MNAT1: variants seen among roughly 807,000 people sequenced by gnomAD.
MNAT1 encodes the protein MNAT1 component of CDK activating kinase.
Under a neutral mutation model 42.0 loss-of-function variants are expected in MNAT1, and 43 were observed. That is an observed-to-expected ratio of 1.02 (90% CI 0.80 to 1.32). The LOEUF is 1.32. MNAT1 is among the 40% of genes most tolerant of loss of function. MNAT1 has a pLI of 0.00. For synonymous variants in MNAT1, 118 were observed against 120.0 expected (o/e 0.98, Z 0.11); for missense variants, 306 against 350.4 (o/e 0.87, Z 1.01).
At chr14:60,875,918 GA>G (rs1156443398) in intron 6 of MNAT1, among the ~76,000 whole-genome samples, 1 of 152,022 alleles carries the variant, frequency 6.6e-6, no homozygotes, top group Non-Finnish European at 1.5e-5. Flanking sequence ...TCTAATTTCT[GA>G]AATGCACACG....
chr14:60,880,964 T>A (rs2034537375), intron 7 of MNAT1, among the ~76,000 whole-genome samples: 1 of 152,210 alleles, frequency 6.6e-6, no homozygotes, highest in Non-Finnish European at 1.5e-5. Flanking sequence ...TTATACATGA[T>A]GTAGACATTT....
At chr14:60,874,099 C>T (rs970708522) in intron 6 of MNAT1, among the ~76,000 whole-genome samples, 1 of 152,120 alleles carries the variant, frequency 6.6e-6, no homozygotes, top group African/African-American at 2.4e-5. Context: ...AAAGCAATTC[C>T]ATAATTTGCT....
chr14:60,885,860 C>A (rs1264045363), intron 7 of MNAT1, among the ~76,000 whole-genome samples: 1 of 151,922 alleles, frequency 6.6e-6, no homozygotes, highest in Non-Finnish European at 1.5e-5. Context: ...AAGGATCTTT[C>A]TCACTATGTT....
intron 1 of MNAT1, among the ~76,000 whole-genome samples, chr14:60,769,034 A>G (rs146326738): frequency 2.0e-5 from 3 of 152,180 alleles, no homozygotes; most frequent in African/African-American, 7.2e-5. Context: ...AAACAAATCA[A>G]ATGCTTGTGC....
intron 7 of MNAT1, among the ~76,000 whole-genome samples, chr14:60,915,685 T>G (rs984569008): frequency 7.2e-5 from 11 of 152,252 alleles, no homozygotes; most frequent in African/African-American, 2.7e-4. Context: ...TTTGAAGGCA[T>G]GCAGTGTAGC....
intron 5 of MNAT1, among the ~76,000 whole-genome samples, chr14:60,816,103 C>A (rs1236771466): frequency 2.0e-5 from 3 of 151,952 alleles, no homozygotes. Context: ...ATCTCTGGAC[C>A]TAATTTACAC....
chr14:60,818,826 G>T lies in MNAT1; in HGVS notation c.666G>T (p.Thr222=). The change falls in exon 6 of 8, where the codon ACG becomes ACT. Residue 222 remains threonine (T), a synonymous_variant. Coordinates refer to ENST00000261245, the MANE Select transcript of MNAT1 (RefSeq NM_002431.4). ...LEKPKPVKPV[T]FSTGIKMGQH... ...AACCCAAACCTGTAAAACCAGTGAC[G>T]TTTTCCACAGGCATCAAAATGGTAA... 6.2e-7 allele frequency: 1 copy of T among 1,612,258 alleles called. No homozygotes were observed.
intron 4 of MNAT1, chr14:60,808,639 CTG>C: frequency 6.6e-6 from 2 of 301,442 alleles, no homozygotes; most frequent in Admixed American, 5.4e-5. Context: ...TTATGTTAGA[CTG>C]TGCTTTCTTA....
intron 6 of MNAT1, among the ~76,000 whole-genome samples, chr14:60,872,824 T>TCACACACACACA (rs1238803348): frequency 6.9e-6 from 1 of 145,964 alleles, no homozygotes; most frequent in African/African-American, 2.6e-5. Context: ...TGGTATTACA[T>TCACACACACACA]CACACACACA....
intron 1 of MNAT1, among the ~76,000 whole-genome samples, chr14:60,774,474 C>T (rs1243181359): frequency 2.6e-5 from 4 of 152,132 alleles, no homozygotes; most frequent in Admixed American, 1.3e-4. Context: ...TAATATGAGA[C>T]ACCATTGGGT....
intron 1 of MNAT1, among the ~76,000 whole-genome samples, chr14:60,761,827 A>C (rs1004235939): frequency 1.1e-4 from 16 of 152,158 alleles, no homozygotes; most frequent in African/African-American, 3.9e-4. Flanking sequence ...ATGTGTTATG[A>C]GCTGCTTTCC....
chr14:60,903,178 G>A (rs1428236229), intron 7 of MNAT1, among the ~76,000 whole-genome samples: 2 of 151,314 alleles, frequency 1.3e-5, no homozygotes, highest in Non-Finnish European at 2.9e-5. Context: ...TCACAATGAA[G>A]GAATTGCATC....
At chr14:60,753,641 G>A (rs1420957366) in intron 1 of MNAT1, 2 of 152,150 alleles carry the variant, frequency 1.3e-5, no homozygotes, top group Non-Finnish European at 2.9e-5. Context: ...CATTCTGTTT[G>A]TTCAGAGTCC....
At chr14:60,761,376 C>A (rs1040365020) in intron 1 of MNAT1, among the ~76,000 whole-genome samples, 3 of 152,112 alleles carry the variant, frequency 2.0e-5, no homozygotes, top group African/African-American at 7.2e-5. Context: ...TTCAGGGTAA[C>A]CTTCAAGTAG....
At chr14:60,778,723 A>G (rs549920805) in intron 1 of MNAT1, among the ~76,000 whole-genome samples, 2 of 152,334 alleles carry the variant, frequency 1.3e-5, no homozygotes, top group East Asian at 3.9e-4. Flanking sequence ...CTCTGGATTG[A>G]TAGAACAGTT....
intron 7 of MNAT1, among the ~76,000 whole-genome samples, chr14:60,892,169 G>T (rs1394726328): frequency 1.3e-5 from 2 of 152,006 alleles, no homozygotes; most frequent in Non-Finnish European, 2.9e-5. Context: ...TTTCAGTCCA[G>T]TTGGTTTATT....
At chr14:60,833,989 G>A (rs1360089768) in intron 6 of MNAT1, among the ~76,000 whole-genome samples, 1 of 152,086 alleles carries the variant, frequency 6.6e-6, no homozygotes, top group Non-Finnish European at 1.5e-5. Flanking sequence ...TTTTCTGATG[G>A]TAGTTTGTAT....
chr14:60,814,393 G>A (rs765690116), intron 5 of MNAT1, among the ~76,000 whole-genome samples: 10 of 151,784 alleles, frequency 6.6e-5, no homozygotes, highest in African/African-American at 1.2e-4. Context: ...TTCACAAACC[G>A]GAAAATCTTC....
chr14:60,883,524 T>C (rs1303048210), intron 7 of MNAT1, among the ~76,000 whole-genome samples: 3 of 152,156 alleles, frequency 2.0e-5, no homozygotes, highest in Non-Finnish European at 2.9e-5. Context: ...TGAAGTTTTA[T>C]ATCTTTAAAG....
Sources: gnomAD v4.1 joint callset for allele counts (sites outside exome capture counted in the v4.1 genomes callset) on GRCh38, gnomAD v4.1.1 for gene constraint, MANE v1.5 for transcripts, NCBI Gene and HGNC (gene_info 2026-07-23, HGNC 2026-07-21) for gene names.